The following FYB2 variants were observed in gnomAD, a reference collection of about 807,000 sequenced individuals.
FYB2 encodes the protein FYN binding protein 2, also known as FYN-binding protein 2.
Under a neutral mutation model 94.1 loss-of-function variants are expected in FYB2, and 103 were observed. The ratio of observed to expected loss-of-function variants is 1.09; its 90% CI spans 0.93 to 1.29. The LOEUF (loss-of-function observed/expected upper bound fraction) is 1.29, where lower values mean the gene tolerates loss of function less well. FYB2 is among the 50% of genes most tolerant of loss of function. The pLI, the probability that FYB2 is intolerant of heterozygous loss-of-function variation, is 0.00. For missense variants in FYB2, 896 were observed against 841.5 expected (o/e 1.06, Z -0.80); for synonymous variants, 293 against 287.9 (o/e 1.02, Z -0.18).
intron 15 of FYB2, among the ~76,000 whole-genome samples, chr1:56,729,760 C>T (rs1335380659): frequency 1.3e-5 from 2 of 152,046 alleles, no homozygotes; most frequent in South Asian, 2.1e-4. Flanking sequence ...GAACATTCTC[C>T]AGAACTGTTC....
intron 16 of FYB2, among the ~76,000 whole-genome samples, chr1:56,724,635 A>G (rs1644550594): frequency 6.6e-6 from 1 of 151,968 alleles, no homozygotes; most frequent in Non-Finnish European, 1.5e-5. Context: ...AAAACCTTTC[A>G]ATTTCTCTCT....
At chr1:56,790,903 T>G (rs149993235) in intron 2 of FYB2, among the ~76,000 whole-genome samples, 72 of 151,718 alleles carry the variant, frequency 4.7e-4, no homozygotes, top group African/African-American at 1.7e-3. Context: ...AAGAAAAGAG[T>G]TTTTGAGGAA....
chr1:56,784,675 CTGTT>C (rs1382988869), intron 4 of FYB2, among the ~76,000 whole-genome samples: 5 of 152,066 alleles, frequency 3.3e-5, no homozygotes, highest in South Asian at 2.1e-4. Flanking sequence ...CTCCTTTTGT[CTGTT>C]TATTTCCTTC....
upstream of FYB2, among the ~76,000 whole-genome samples, chr1:56,822,747 T>TAA (rs10657945): frequency 0.88 from 126,890 of 144,786 alleles, 56,667 homozygotes; most frequent in East Asian, 0.97. Context: ...TACCCCGATG[T>TAA]AAAAAAAAAA....
intron 1 of FYB2, among the ~76,000 whole-genome samples, chr1:56,804,946 C>G (rs1646608299): frequency 6.6e-6 from 1 of 152,192 alleles, no homozygotes; most frequent in Admixed American, 6.5e-5. Flanking sequence ...TGCAGTAAAA[C>G]TGAACTTGCC....
At chr1:56,763,511 T>A (rs901463966) in intron 5 of FYB2, among the ~76,000 whole-genome samples, 3 of 152,176 alleles carry the variant, frequency 2.0e-5, no homozygotes, top group Non-Finnish European at 4.4e-5. Flanking sequence ...TTCCTTTTTT[T>A]ATCTAAGTTG....
intron 1 of FYB2, among the ~76,000 whole-genome samples, chr1:56,803,879 C>T (rs186127502): frequency 6.6e-6 from 1 of 152,328 alleles, no homozygotes; most frequent in Admixed American, 6.5e-5. Flanking sequence ...GCACAGCTTA[C>T]ATGCTTCCAC....
intron 3 of FYB2, 136 bp downstream of exon 3, chr1:56,788,837 G>T: frequency 7.9e-7 from 1 of 1,265,388 alleles, no homozygotes; most frequent in Non-Finnish European, 1.1e-6. Flanking sequence ...AGCTGCCACA[G>T]CCTCTAGATG....
Position 56,758,624 on chromosome 1 carries a change from GA to G in FYB2, c.1098+91del, listed in dbSNP as rs377444385. 1.5e-3 allele frequency: 1,465 copies of G among 999,320 alleles called. 28 individuals carry two copies. The South Asian group carries it at 0.025, about 17-fold the overall frequency. 61.9% of individuals were successfully genotyped at this position (999,320 alleles called of 1,614,324 possible). A position where few individuals can be genotyped will look rare whatever the true frequency, so the allele number is the denominator to read the frequency against. The stretch of plus-strand genomic sequence containing the variant: ...AAATAGGAGGAAAAATGAAAACAAA[GA>G]CATTTTTTCCCTCTAAAAGATACTA... On this transcript the variant is annotated intron_variant, in intron 6 of 19. Coordinates refer to ENST00000343433, the MANE Select transcript of FYB2 (RefSeq NM_001004303.5).
At chr1:56,761,786 C>T (rs996547559) in intron 5 of FYB2, among the ~76,000 whole-genome samples, 3 of 143,710 alleles carry the variant, frequency 2.1e-5, no homozygotes, top group Non-Finnish European at 3.1e-5. Flanking sequence ...CTCCTTCCTT[C>T]CCTCTCTCCT....
At chr1:56,769,169 G>A (rs539701517) in intron 4 of FYB2, among the ~76,000 whole-genome samples, 4 of 152,102 alleles carry the variant, frequency 2.6e-5, no homozygotes, top group African/African-American at 9.7e-5. Flanking sequence ...CTCCTGAATA[G>A]CTGGGACTAC....
At position 56,763,716 on chromosome 1, in the gene FYB2, T is replaced by C. The variant is rs867874053; in HGVS notation, c.1063+4113A>G. Among the ~76,000 whole-genome samples the C allele has an allele frequency of 3.3e-5, 5 of 152,162 alleles. 1 individual carries two copies. In the South Asian group the frequency reaches 8.3e-4, roughly 25 times the overall value. On this transcript the variant is annotated intron_variant, in intron 5 of 19. Transcript: ENST00000343433. ...CAATTTTTTCAACCTTGCTAGAAGT[T>C]TGTCAATTTTATTGATTTTTTTTCA...
At chr1:56,753,644 T>A (rs1394749191) in intron 8 of FYB2, among the ~76,000 whole-genome samples, 195 bp downstream of exon 8, 1 of 152,078 alleles carries the variant, frequency 6.6e-6, no homozygotes, top group Non-Finnish European at 1.5e-5. Flanking sequence ...TAAGGTCGGC[T>A]TCATGGCTAA....
intron 5 of FYB2, among the ~76,000 whole-genome samples, chr1:56,766,210 A>T (rs949466283): frequency 1.6e-4 from 24 of 152,146 alleles, no homozygotes; most frequent in Non-Finnish European, 8.8e-5. Context: ...TTTTAACAAG[A>T]TCCCTGCATG....
chr1:56,725,456 A>G (rs996350368), intron 16 of FYB2, among the ~76,000 whole-genome samples: 1 of 152,078 alleles, frequency 6.6e-6, no homozygotes, highest in Non-Finnish European at 1.5e-5. Context: ...CTGTTGTAAA[A>G]AAATAAAAAG....
intron 7 of FYB2, 42 bp downstream of exon 7, chr1:56,755,854 A>C: frequency 6.4e-7 from 1 of 1,556,586 alleles, no homozygotes; most frequent in Non-Finnish European, 8.8e-7. Flanking sequence ...TCAGAAAGTC[A>C]GTGCTTGGAC....
chr1:56,791,906 T>C (rs760310905), intron 2 of FYB2, 150 bp downstream of exon 2: 3 of 1,125,662 alleles, frequency 2.7e-6, no homozygotes, highest in Non-Finnish European at 3.6e-6. Context: ...GAGGTTACAA[T>C]TTAGCAGATG....
intron 1 of FYB2, among the ~76,000 whole-genome samples, chr1:56,804,804 C>CT (rs1409291552): frequency 1.3e-5 from 2 of 152,146 alleles, no homozygotes; most frequent in African/African-American, 4.8e-5. Context: ...TGCTTAAAAT[C>CT]TTTCAATGGC....
At chr1:56,750,990 C>G in intron 9 of FYB2, 54 bp downstream of exon 9, 1 of 1,564,098 alleles carries the variant, frequency 6.4e-7, no homozygotes, top group Non-Finnish European at 8.7e-7. Context: ...TGGCCATGCT[C>G]AGCTATAAAA....
Sources: allele counts gnomAD v4.1 joint callset (sites outside exome capture counted in the v4.1 genomes callset), GRCh38; gene constraint gnomAD v4.1.1; transcripts MANE v1.5; gene names NCBI Gene and HGNC (gene_info 2026-07-23, HGNC 2026-07-21).